The following CLEC3B variants were observed in gnomAD, a reference collection of about 807,000 sequenced individuals.
CLEC3B encodes tetranectin.
CLEC3B carries 13 observed loss-of-function variants against 15.4 expected under a neutral mutation model. The ratio of observed to expected loss-of-function variants is 0.84; its 90% confidence interval spans 0.55 to 1.34. CLEC3B has a LOEUF of 1.34. CLEC3B is among the 40% of genes most tolerant of loss of function. CLEC3B has a pLI of 0.00. For missense variants in CLEC3B, 242 were observed against 268.6 expected (o/e 0.90, Z 0.69); for synonymous variants, 112 against 114.7 (o/e 0.98, Z 0.15).
chr3:45,026,570 A>T, intron 1 of CLEC3B, 99 bp downstream of exon 1: 1 of 1,128,650 alleles, frequency 8.9e-7, no homozygotes, highest in Non-Finnish European at 1.3e-6. Context: ...CCTCCTTTTG[A>T]GTCATCTAGG....
chr3:45,035,861 C>T lies in CLEC3B; in HGVS notation c.546C>T (p.Gly182=). ...CGGTCCTGTCAGGCGCGGCCAACGG[C>T]AAGTGGTTCGACAAGCGCTGCCGCG... is the stretch of plus-strand genomic sequence containing the variant. ...NCAVLSGAAN[G]KWFDKRCRDQ... The change falls in exon 3 of 3, where the codon GGC becomes GGT. Residue 182 remains glycine, a synonymous_variant. Coordinates refer to ENST00000296130, the MANE Select transcript of CLEC3B (RefSeq NM_003278.3). 3 of 1,612,300 alleles carry T rather than the reference C, an allele frequency of 1.9e-6. No individual in the cohort carries two copies. The highest frequency in any genetic ancestry group is 2.5e-6 in the Non-Finnish European group (3 of 1,179,734).
intron 2 of CLEC3B, 129 bp downstream of exon 2, chr3:45,031,054 G>A: frequency 1.6e-6 from 1 of 623,738 alleles, no homozygotes; most frequent in Non-Finnish European, 2.7e-6. Flanking sequence ...GCCTATGGGT[G>A]AAGGCACCAG....
chr3:45,028,614 C>A (rs773154898), intron 1 of CLEC3B, among the ~76,000 whole-genome samples: 1 of 152,052 alleles, frequency 6.6e-6, no homozygotes. Flanking sequence ...TTGGGCCCCA[C>A]CCCTGGAAAT....
intron 2 of CLEC3B, chr3:45,034,707 A>C (rs998488041): frequency 3.3e-5 from 5 of 152,276 alleles, no homozygotes; most frequent in Non-Finnish European, 7.3e-5. Context: ...GGCCAGGCTC[A>C]AACTGAGAAT....
intron 1 of CLEC3B, among the ~76,000 whole-genome samples, chr3:45,028,159 T>A (rs1215547562): frequency 2.6e-5 from 4 of 152,208 alleles, no homozygotes; most frequent in African/African-American, 9.6e-5. Flanking sequence ...GGCACCAGTC[T>A]ATATGCTGGA....
In CLEC3B at chr3:45,028,242, A is replaced by G. The variant is rs746774393; in HGVS notation, c.109+1771A>G. ...TGGTTCTCACTCAGGCATCAACATCATCTGGGAGATACATTAGAATCCAGG... is the reference window on the plus strand; with the variant it reads ...TGGTTCTCACTCAGGCATCAACATCGTCTGGGAGATACATTAGAATCCAGG... On this transcript the variant is annotated intron_variant, in intron 1 of 2. Coordinates refer to ENST00000296130, the MANE Select transcript of CLEC3B (RefSeq NM_003278.3). 2.2e-4 allele frequency among the ~76,000 whole-genome samples: 34 copies of G among 152,220 alleles called. 1 individual carries two copies. The highest frequency in any genetic ancestry group is 2.9e-4 in the Non-Finnish European group (20 of 68,042).
At chr3:45,031,608 C>T (rs899306140) in intron 2 of CLEC3B, among the ~76,000 whole-genome samples, 1 of 152,220 alleles carries the variant, frequency 6.6e-6, no homozygotes, top group Admixed American at 6.5e-5. Flanking sequence ...TGGCTCTGCA[C>T]TAGCCAGCTG....
chr3:45,030,785 C>A, intron 1 of CLEC3B, 42 bp from the exon 2 acceptor site: 1 of 1,399,096 alleles, frequency 7.1e-7, no homozygotes, highest in Non-Finnish European at 9.9e-7. Context: ...ATCCTTCCTG[C>A]TCAGTCCCTG....
intron 1 of CLEC3B, among the ~76,000 whole-genome samples, chr3:45,028,336 G>A (rs1433209652): frequency 2.0e-5 from 3 of 152,172 alleles, no homozygotes; most frequent in East Asian, 1.9e-4. Context: ...TGGGAGGATC[G>A]CTTGAGGCCA....
At position 45,035,568 on chromosome 3, in the gene CLEC3B, T is replaced by C; in HGVS notation, c.253T>C (p.Phe85Leu). 6.2e-7 allele frequency: 1 copy of C among 1,613,094 alleles called. No homozygotes were observed. Among genetic ancestry groups the C allele is most frequent in the Non-Finnish European group, 8.5e-7 (1 of 1,179,300 alleles). The change falls in exon 3 of 3, where the codon TTC becomes CTC. Residue 85 changes from phenylalanine (F) to leucine (L), a missense_variant. Physicochemically the swap from Phe to Leu is conservative, Grantham distance 22 (BLOSUM62 0). Coordinates refer to ENST00000296130, the MANE Select transcript of CLEC3B (RefSeq NM_003278.3). Reference sequence around the variant, plus strand: ...GGTGCACATGAAATGCTTTCTGGCCTTCACCCAGACGAAGACCTTCCACGA... The same window carrying C: ...GGTGCACATGAAATGCTTTCTGGCCCTCACCCAGACGAAGACCTTCCACGA... ...TKVHMKCFLAFTQTKTFHEAS... is the reference protein window; with the variant it reads ...TKVHMKCFLALTQTKTFHEAS...
rs749374562 is a variant in CLEC3B at position 45,026,349 on chromosome 3, G to A, written c.-14G>A. 3.2e-5 allele frequency: 52 copies of A among 1,609,934 alleles called. 1 individual carries two copies. In the South Asian group the frequency reaches 3.4e-4, roughly 11 times the overall value. On this transcript the variant is annotated 5_prime_UTR_variant, in exon 1 of 3. Coordinates refer to ENST00000296130, the MANE Select transcript of CLEC3B (RefSeq NM_003278.3). ...CCCGCTGCAGGCAGCAGCAGCCCCC[G>A]CCCGCGCAGCAGCATGGAGCTCTGG... is the stretch of plus-strand genomic sequence containing the variant.
At chr3:45,033,481 C>T (rs1031884164) in intron 2 of CLEC3B, among the ~76,000 whole-genome samples, 2 of 152,154 alleles carry the variant, frequency 1.3e-5, no homozygotes, top group African/African-American at 4.8e-5. Context: ...CAACCTTTCC[C>T]TCCTCCAACC....
chr3:45,030,331 C>A, intron 1 of CLEC3B: 1 of 668,552 alleles, frequency 1.5e-6, no homozygotes, highest in Non-Finnish European at 1.9e-6. Context: ...GGAACCAAAT[C>A]CAGAGAGGCT....
intron 2 of CLEC3B, 36 bp from the exon 3 acceptor site, chr3:45,035,488 G>A (rs377194208): frequency 1.2e-5 from 18 of 1,559,882 alleles, no homozygotes; most frequent in Non-Finnish European, 1.6e-5. Context: ...GGGAACAGGG[G>A]GACCTTCGGT....
In CLEC3B at chr3:45,035,929, CG is replaced by C. The variant is rs1697638623; in HGVS notation, c.*9del. 1 of 1,357,482 alleles carries C rather than the reference CG, an allele frequency of 7.4e-7. No individual in the cohort carries two copies. Among genetic ancestry groups the C allele is most frequent in the Admixed American group, 2.0e-5 (1 of 51,164 alleles). 84.1% of individuals were successfully genotyped at this position (1,357,482 alleles called of 1,614,324 possible). A position where few individuals can be genotyped will look rare whatever the true frequency, so the allele number is the denominator to read the frequency against. On this transcript the variant is annotated 3_prime_UTR_variant, in exon 3 of 3. Coordinates refer to ENST00000296130, the MANE Select transcript of CLEC3B (RefSeq NM_003278.3). ...TGCCAGTTCGGGATCGTGTAGCCGG[CG>C]GGGCGGGGGCCGTGGGGGGCCTGGA...
rs1256543566 is a variant in CLEC3B, at chr3:45,026,507, G to T, written c.109+36G>T. The T allele has an allele frequency of 1.3e-5, 21 of 1,569,770 alleles. No homozygotes were observed. The Middle Eastern group carries it at 8.3e-4, about 62-fold the overall frequency. ...GGACAGAGCCCTGTGCCATCTTCCAGGGAGCAGGTCCCCCTCTCCTTAGTG... is the reference window on the plus strand; with the variant it reads ...GGACAGAGCCCTGTGCCATCTTCCATGGAGCAGGTCCCCCTCTCCTTAGTG... On this transcript the variant is annotated intron_variant, in intron 1 of 2. Coordinates refer to ENST00000296130, the MANE Select transcript of CLEC3B (RefSeq NM_003278.3).
intron 2 of CLEC3B, 76 bp downstream of exon 2, chr3:45,031,001 C>A: frequency 1.9e-6 from 2 of 1,027,518 alleles, no homozygotes; most frequent in Non-Finnish European, 2.9e-6. Flanking sequence ...CAATGCTCTT[C>A]TCGCCTCCGT....
intron 1 of CLEC3B, among the ~76,000 whole-genome samples, chr3:45,028,310 C>A (rs150369962): frequency 1.3e-5 from 2 of 152,216 alleles, no homozygotes; most frequent in African/African-American, 2.4e-5. Flanking sequence ...AATCTCAGCA[C>A]TTTAGGAGGC....
chr3:45,029,860 C>T (rs907960355), intron 1 of CLEC3B, among the ~76,000 whole-genome samples: 2 of 152,208 alleles, frequency 1.3e-5, no homozygotes, highest in African/African-American at 2.4e-5. Context: ...CCCCGCCTTC[C>T]CCTGCTGACT....
Sources: gnomAD v4.1 joint callset for allele counts (sites outside exome capture counted in the v4.1 genomes callset) on GRCh38, gnomAD v4.1.1 for gene constraint, MANE v1.5 for transcripts, NCBI Gene and HGNC (gene_info 2026-07-23, HGNC 2026-07-21) for gene names.